NME3: variants seen among roughly 807,000 people sequenced by gnomAD.
NME3 encodes NME/NM23 nucleoside diphosphate kinase 3.
A neutral mutation model predicts 15.8 loss-of-function variants in NME3; 23 were observed. The ratio of observed to expected loss-of-function variants is 1.45; its 90% CI spans 1.05 to 2.06. NME3 has a LOEUF of 2.06. Ranked by LOEUF, NME3 falls within the 30% of genes most tolerant of loss-of-function variation. The probability of loss-of-function intolerance (pLI) is 0.00; values close to 1 mark genes in which losing one functional copy is unlikely to be tolerated. For missense variants in NME3, 354 were observed against 243.2 expected, an observed-to-expected ratio of 1.46 and a Z score of -3.03; for synonymous variants, 157 against 104.4, an observed-to-expected ratio of 1.50 and a Z score of -3.07.
Position 1,770,918 on chromosome 16 carries a change from C to G in NME3, c.355G>C (p.Gly119Arg). ...ATGCAGAAATCCCCGCGGATGGTGC[C>G]GGGCGGGGCGTCGGCCGGGTTCGTG... Reference protein sequence around the residue: ...GATNPADAPPGTIRGDFCIEV... With the variant: ...GATNPADAPPRTIRGDFCIEV... The change falls in exon 4 of 5, where the codon GGC (glycine) becomes CGC (arginine). Residue 119 changes from glycine to arginine, a missense_variant. Coordinates refer to ENST00000219302, the MANE Select transcript of NME3 (RefSeq NM_002513.3). The G allele has an allele frequency of 6.3e-7, 1 of 1,587,788 alleles. No individual in the cohort carries two copies. Among genetic ancestry groups the G allele is most frequent in the Non-Finnish European group, 8.6e-7 (1 of 1,163,802 alleles).
At position 1,770,652 on chromosome 16, in the gene NME3, C is replaced by A; in HGVS notation, c.507G>T (p.Glu169Asp). 1.3e-6 allele frequency: 2 copies of A among 1,575,304 alleles called. No homozygotes were observed. Among genetic ancestry groups the A allele is most frequent in the Admixed American group, 1.8e-5 (1 of 56,006 alleles). ...WEDSAGHWLY[E>D] ...TCTGTGACGCGCATCTGCCGGGCTA[C>A]TCATACAGCCAGTGCCCAGCGCTGT... Residue 169 changes from glutamate to aspartate, a missense_variant, in exon 5 of 5, where the codon GAG becomes GAT. Coordinates refer to ENST00000219302, the MANE Select transcript of NME3 (RefSeq NM_002513.3).
Position 1,771,181 on chromosome 16 carries a change from G to A in NME3, c.178-10C>T, listed in dbSNP as rs901619546. The A allele has an allele frequency of 3.1e-6, 5 of 1,592,330 alleles. No individual in the cohort carries two copies. Among genetic ancestry groups the A allele is most frequent in the Admixed American group, 3.4e-5 (2 of 58,526 alleles). On this transcript the variant is annotated splice_polypyrimidine_tract_variant and intron_variant, in intron 2 of 4. Coordinates refer to ENST00000219302, the MANE Select transcript of NME3 (RefSeq NM_002513.3). ...GCAGCTCCTCGGAGGCCTGCGGAAG[G>A]GTCAGGCCGCCTGCGCCCGCACCCG...
Position 1,770,655 on chromosome 16 carries a change from A to T in NME3, c.504T>A (p.Tyr168Ter). Residue 168 changes from tyrosine (Y) to a stop codon, truncating the protein, a stop_gained, in exon 5 of 5, where the codon TAT (tyrosine) becomes TAA (stop). Transcript: ENST00000219302. LOFTEE classifies it high-confidence loss of function. ...CWEDSAGHWL[Y>*]E is the part of the protein sequence containing the mutation. Reference sequence around the variant, plus strand: ...GTGACGCGCATCTGCCGGGCTACTCATACAGCCAGTGCCCAGCGCTGTCCT... The same window carrying T: ...GTGACGCGCATCTGCCGGGCTACTCTTACAGCCAGTGCCCAGCGCTGTCCT... 6.3e-7 allele frequency: 1 copy of T among 1,579,478 alleles called. No individual in the cohort carries two copies. The highest frequency in any genetic ancestry group is 2.3e-5 in the East Asian group (1 of 43,410).
chr16:1,771,378 C>T lies in NME3; in HGVS notation c.79G>A (p.Ala27Thr). 1.3e-6 allele frequency: 2 copies of T among 1,566,274 alleles called. No individual in the cohort carries two copies. The highest frequency in any genetic ancestry group is 1.7e-6 in the Non-Finnish European group (2 of 1,157,356). The change falls in exon 2 of 5, where the codon GCC becomes ACC. Residue 27 changes from alanine to threonine, a missense_variant. Transcript: ENST00000219302. ...CGCTGCACGCCGTCCGGCTTCACGG[C>T]CAGGAAGGTGCGTTCGTGTGCGCCG... ...CTGAHERTFLAVKPDGVQRRL... is the reference protein window; with the variant it reads ...CTGAHERTFLTVKPDGVQRRL...
chr16:1,770,748 GCTGCCGTGAATCAGGTTC>G lies in NME3; in HGVS notation c.393_410del (p.Lys131_Ser137delinsAsn). 6.3e-7 allele frequency: 1 copy of G among 1,598,804 alleles called. No homozygotes were observed. On this transcript the variant is annotated inframe_deletion and splice_region_variant, in exon 5 of 5. Transcript: ENST00000219302. ...CGCGGCGGGCACTCTCCACCGAGTCGCTGCCGTGAATCAGGTTCCTGCGCGGAAGAGGCGCGTGTGAGC... is the reference window on the plus strand; with the variant it reads ...CGCGGCGGGCACTCTCCACCGAGTCGCTGCGCGGAAGAGGCGCGTGTGAGC...
chr16:1,770,940 C>T lies in NME3; in HGVS notation c.333G>A (p.Thr111=), dbSNP rs1456771401. The T allele has an allele frequency of 3.1e-6, 5 of 1,588,946 alleles. No homozygotes were observed. In the South Asian group the frequency reaches 4.5e-5, roughly 14 times the overall value. Residue 111 remains threonine, a synonymous_variant, in exon 4 of 5, where the codon ACG becomes ACA. Coordinates refer to ENST00000219302, the MANE Select transcript of NME3 (RefSeq NM_002513.3). ...VRTSRALIGA[T]NPADAPPGTI... is the part of the protein sequence containing the mutation. ...TGCCGGGCGGGGCGTCGGCCGGGTT[C>T]GTGGCTCCGATGAGCGCCCGCGAGG...
Position 1,771,478 on chromosome 16 carries a change from G to T in NME3, c.46+11C>A. 7.5e-7 allele frequency: 1 copy of T among 1,324,546 alleles called. No homozygotes were observed. The highest frequency in any genetic ancestry group is 9.6e-7 in the Non-Finnish European group (1 of 1,041,284). 82.0% of individuals were successfully genotyped at this position (1,324,546 alleles called of 1,614,324 possible). On this transcript the variant is annotated intron_variant, in intron 1 of 4. Coordinates refer to ENST00000219302, the MANE Select transcript of NME3 (RefSeq NM_002513.3). Reference sequence around the variant, plus strand: ...CGGCCACCCGCCCCCGGCCCGCGCCGCGCGGCTCACCCGCGGGGAAGAGGT... The same window carrying T: ...CGGCCACCCGCCCCCGGCCCGCGCCTCGCGGCTCACCCGCGGGGAAGAGGT...
At chr16:1,771,033 G>A (rs767039338) in intron 3 of NME3, 37 bp downstream of exon 3, 22 of 1,594,966 alleles carry the variant, frequency 1.4e-5, no homozygotes, top group South Asian at 4.4e-5. Context: ...CGGGGGTGGG[G>A]GTCCCGGAGC....
Position 1,771,338 on chromosome 16 carries a change from T to G in NME3, c.119A>C (p.Glu40Ala). 1 of 1,598,152 alleles carries G rather than the reference T, an allele frequency of 6.3e-7. No homozygotes were observed. Residue 40 changes from glutamate to alanine, a missense_variant, in exon 2 of 5, where the codon GAG becomes GCG. Transcript: ENST00000219302. ...CTTCCTCTCGAAGCGCCGCACAATC[T>G]CGCCCACCAGCCGCCGCTGCACGCC... Reference protein sequence around the residue: ...PDGVQRRLVGEIVRRFERKGF... With the variant: ...PDGVQRRLVGAIVRRFERKGF...
chr16:1,771,238 T>TTCCCCC, intron 2 of NME3, 42 bp downstream of exon 2: 1 of 1,105,534 alleles, frequency 9.0e-7, no homozygotes. Context: ...CCCGCTCCCC[T>TTCCCCC]TCCCCCCACA....
Position 1,771,080 on chromosome 16 carries a change from A to C in NME3, c.269T>G (p.Val90Gly). The change falls in exon 3 of 5, where the codon GTG becomes GGG. Residue 90 changes from valine (V) to glycine (G), a missense_variant. Physicochemically the swap from Val to Gly is moderately radical, Grantham distance 109. Transcript: ENST00000219302. The stretch of plus-strand genomic sequence containing the variant: ...TTCCCGGATACTCACCATGGCCACC[A>C]CCGGCCCGGAGGCCATATACTTGAC... ...RLVKYMASGP[V>G]VAMVWQGLDV... 5 of 1,608,328 alleles carry C rather than the reference A, an allele frequency of 3.1e-6. No individual in the cohort carries two copies. Among genetic ancestry groups the C allele is most frequent in the Non-Finnish European group, 4.2e-6 (5 of 1,177,706 alleles).
In NME3 at chr16:1,770,953, A is replaced by G. The variant is rs774456379; in HGVS notation, c.320T>C (p.Leu107Pro). 1.3e-6 allele frequency: 2 copies of G among 1,585,244 alleles called. No homozygotes were observed. The highest frequency in any genetic ancestry group is 1.1e-5 in the South Asian group (1 of 89,276). ...GTCGGCCGGGTTCGTGGCTCCGATGAGCGCCCGCGAGGTGCGCACCACGTC... is the reference window on the plus strand; with the variant it reads ...GTCGGCCGGGTTCGTGGCTCCGATGGGCGCCCGCGAGGTGCGCACCACGTC... Reference protein sequence around the residue: ...GLDVVRTSRALIGATNPADAP... With the variant: ...GLDVVRTSRAPIGATNPADAP... Residue 107 changes from leucine (L) to proline (P), a missense_variant, in exon 4 of 5, where the codon CTC (leucine) becomes CCC (proline). By Grantham distance (98) the Leu-to-Pro change is moderately conservative (BLOSUM62 -3). Coordinates refer to ENST00000219302, the MANE Select transcript of NME3 (RefSeq NM_002513.3).
At chr16:1,770,859 C>G (rs893629315) in intron 4 of NME3, 22 bp downstream of exon 4, 1 of 1,568,430 alleles carries the variant, frequency 6.4e-7, no homozygotes, top group Admixed American at 1.8e-5. Context: ...GGGGCTGGGA[C>G]CGTCCCCGGG....
In NME3 at chr16:1,770,935, G is replaced by C; in HGVS notation, c.338C>G (p.Pro113Arg). ...GATGGTGCCGGGCGGGGCGTCGGCC[G>C]GGTTCGTGGCTCCGATGAGCGCCCG... ...TSRALIGATNPADAPPGTIRG... is the reference protein window; with the variant it reads ...TSRALIGATNRADAPPGTIRG... Residue 113 changes from proline to arginine, a missense_variant, in exon 4 of 5, where the codon CCG (proline) becomes CGG (arginine). Pro to Arg is a moderately radical substitution (Grantham distance 103, BLOSUM62 -2). Coordinates refer to ENST00000219302, the MANE Select transcript of NME3 (RefSeq NM_002513.3). The C allele has an allele frequency of 2.5e-6, 4 of 1,588,250 alleles. No homozygotes were observed. The highest frequency in any genetic ancestry group is 3.4e-6 in the Non-Finnish European group (4 of 1,163,596).
rs767329827 is a variant in NME3, at chr16:1,770,839, G to T, written c.392+42C>A. ...GGGTACCACGCAGGCTGAACAGGGGGAGGCCGGACGGGGCTGGGACCGTCC... is the reference window on the plus strand; with the variant it reads ...GGGTACCACGCAGGCTGAACAGGGGTAGGCCGGACGGGGCTGGGACCGTCC... On this transcript the variant is annotated intron_variant, in intron 4 of 4. Coordinates refer to ENST00000219302, the MANE Select transcript of NME3 (RefSeq NM_002513.3). 1.1e-5 allele frequency: 18 copies of T among 1,571,272 alleles called. No homozygotes were observed. The East Asian group carries it at 3.6e-4, about 32-fold the overall frequency.
chr16:1,770,933 C>G lies in NME3; in HGVS notation c.340G>C (p.Ala114Pro), dbSNP rs780365113. ...CGGATGGTGCCGGGCGGGGCGTCGG[C>G]CGGGTTCGTGGCTCCGATGAGCGCC... Reference protein sequence around the residue: ...SRALIGATNPADAPPGTIRGD... With the variant: ...SRALIGATNPPDAPPGTIRGD... Residue 114 changes from alanine (A) to proline (P), a missense_variant, in exon 4 of 5, where the codon GCC (alanine) becomes CCC (proline). Coordinates refer to ENST00000219302, the MANE Select transcript of NME3 (RefSeq NM_002513.3). The G allele has an allele frequency of 4.4e-6, 7 of 1,588,468 alleles. No individual in the cohort carries two copies. In the East Asian group the frequency reaches 1.4e-4, roughly 31 times the overall value.
In NME3 at chr16:1,771,134, A is replaced by T. The variant is rs1235116884; in HGVS notation, c.215T>A (p.Leu72Gln). The change falls in exon 3 of 5, where the codon CTG becomes CAG. Residue 72 changes from leucine (L) to glutamine (Q), a missense_variant. Transcript: ENST00000219302. Reference protein sequence around the residue: ...EELLREHYAELRERPFYGRLV... With the variant: ...EELLREHYAEQRERPFYGRLV... ...GCGGCCGTAGAACGGGCGTTCACGC[A>T]GCTCGGCGTAGTGCTCACGCAGCAG... is the stretch of plus-strand genomic sequence containing the variant. 5.0e-6 allele frequency: 8 copies of T among 1,608,242 alleles called. No individual in the cohort carries two copies. The highest frequency in any genetic ancestry group is 1.7e-5 in the Admixed American group (1 of 59,856).
chr16:1,770,795 G>A (rs757106822), intron 4 of NME3, 29 bp from the exon 5 acceptor site: 21 of 1,592,712 alleles, frequency 1.3e-5, no homozygotes, highest in Admixed American at 5.1e-5. Context: ...TGTGAGCGTG[G>A]GAAAGAGACC....
In NME3 at chr16:1,770,959, C is replaced by T; in HGVS notation, c.314G>A (p.Arg105Gln). 6.3e-7 allele frequency: 1 copy of T among 1,584,976 alleles called. No individual in the cohort carries two copies. The highest frequency in any genetic ancestry group is 8.6e-7 in the Non-Finnish European group (1 of 1,160,896). Residue 105 changes from arginine to glutamine, a missense_variant, in exon 4 of 5, where the codon CGG (arginine) becomes CAG (glutamine). Coordinates refer to ENST00000219302, the MANE Select transcript of NME3 (RefSeq NM_002513.3). The stretch of plus-strand genomic sequence containing the variant: ...CGGGTTCGTGGCTCCGATGAGCGCC[C>T]GCGAGGTGCGCACCACGTCCAGCCC... ...WQGLDVVRTS[R>Q]ALIGATNPAD...
Sources: allele counts gnomAD v4.1 joint callset, GRCh38; gene constraint gnomAD v4.1.1; transcripts MANE v1.5; gene names NCBI Gene and HGNC (gene_info 2026-07-23, HGNC 2026-07-21).